The following CREBBP variants were observed in gnomAD, a reference collection of about 807,000 sequenced individuals.
CREBBP encodes CREB binding lysine acetyltransferase.
CREBBP carries 19 observed loss-of-function variants against 265.0 expected under a neutral mutation model. The observed-to-expected ratio is 0.07, with a 90% CI of 0.05 to 0.11. The LOEUF is 0.11. Ranked by LOEUF, CREBBP falls within the 10% of genes least tolerant of loss-of-function variation. The pLI, the probability that CREBBP is intolerant of heterozygous loss-of-function variation, is 1.00. For missense variants in CREBBP, 2,525 were observed against 3,219.0 expected, an observed-to-expected ratio of 0.78 and a Z score of 5.22; for synonymous variants, 1,457 against 1,223.7, an observed-to-expected ratio of 1.19 and a Z score of -3.98.
At position 3,727,696 on chromosome 16, in the gene CREBBP, A is replaced by G. The variant is rs2230140; in HGVS notation, c.*22T>C. ...CAAAAGGTCCAAGAACATGAAAGGG[A>G]AAAGGTGATGCTCTCACAATGCTAC... is the stretch of plus-strand genomic sequence containing the variant. On this transcript the variant is annotated 3_prime_UTR_variant, in exon 31 of 31. Coordinates refer to ENST00000262367, the MANE Select transcript of CREBBP (RefSeq NM_004380.3). 0.018 allele frequency: 29,309 copies of G among 1,613,564 alleles called. 4,061 individuals are homozygous for G. In the African/African-American group the frequency reaches 0.32, roughly 18 times the overall value.
rs760468682 is a variant in CREBBP at position 3,736,141 on chromosome 16, T to C, written c.4623A>G (p.Glu1541=). The C allele has an allele frequency of 5.6e-6, 9 of 1,614,224 alleles. No homozygotes were observed. The highest frequency in any genetic ancestry group is 3.3e-5 in the South Asian group (3 of 91,080). Residue 1541 remains glutamate, a synonymous_variant, in exon 28 of 31, where the codon GAA becomes GAG. Coordinates refer to ENST00000262367, the MANE Select transcript of CREBBP (RefSeq NM_004380.3). ...LTSAKELPYF[E]GDFWPNVLEE... ...CTAACACATTGGGCCAGAAATCACC[T>C]TCAAAATAGGGCAGTTCCTTGGCAC...
rs1397683151 is a variant in CREBBP, at chr16:3,769,184, G to T, written c.3050C>A (p.Pro1017His). ...GGGAGCGGCACCCACCTCAGACCTG[G>T]GCTCCCCTTTGGATTCACCAGGATC... ...EPDPGESKGE[P>H]RSEMMEEDLQ... The change falls in exon 15 of 31, where the codon CCC becomes CAC. Residue 1017 changes from proline to histidine, a missense_variant. Physicochemically the swap from Pro to His is moderately conservative, Grantham distance 77. Coordinates refer to ENST00000262367, the MANE Select transcript of CREBBP (RefSeq NM_004380.3). 6.2e-7 allele frequency: 1 copy of T among 1,614,030 alleles called. No homozygotes were observed. The highest frequency in any genetic ancestry group is 8.5e-7 in the Non-Finnish European group (1 of 1,180,010).
intron 16 of CREBBP, among the ~76,000 whole-genome samples, chr16:3,767,073 ACAATTTT>A (rs2052872360): frequency 6.6e-6 from 1 of 152,166 alleles, no homozygotes; most frequent in Non-Finnish European, 1.5e-5. Flanking sequence ...GGTTCACTTG[ACAATTTT>A]CTGATACCCT....
chr16:3,840,332 G>A (rs572345085), intron 2 of CREBBP, among the ~76,000 whole-genome samples: 33 of 152,242 alleles, frequency 2.2e-4, no homozygotes, highest in Non-Finnish European at 4.0e-4. Flanking sequence ...GACGGCAGTC[G>A]GCTTGAGTTC....
In CREBBP at chr16:3,781,254, G is replaced by A. The variant is rs2141247711; in HGVS notation, c.1626C>T (p.Pro542=). 1 of 1,613,992 alleles carries A rather than the reference G, an allele frequency of 6.2e-7. No individual in the cohort carries two copies. The highest frequency in any genetic ancestry group is 1.1e-5 in the South Asian group (1 of 91,076). Reference sequence around the variant, plus strand: ...GAGCTGATTCTGAAATCAAGTTTGGGGGCTGCTGATCTGTTGTTATTCCTC... The same window carrying A: ...GAGCTGATTCTGAAATCAAGTTTGGAGGCTGCTGATCTGTTGTTATTCCTC... ...PAGGITTDQQ[P]PNLISESALP... The change falls in exon 7 of 31, where the codon CCC becomes CCT. Residue 542 remains proline, a synonymous_variant. Coordinates refer to ENST00000262367, the MANE Select transcript of CREBBP (RefSeq NM_004380.3).
At chr16:3,852,512 C>T (rs1178010702) in intron 1 of CREBBP, among the ~76,000 whole-genome samples, 4 of 152,080 alleles carry the variant, frequency 2.6e-5, no homozygotes, top group Non-Finnish European at 5.9e-5. Flanking sequence ...AGTAAACTAG[C>T]TTTAACGCAA....
intron 1 of CREBBP, among the ~76,000 whole-genome samples, chr16:3,851,798 G>A (rs1241448141): frequency 6.8e-6 from 1 of 146,280 alleles, no homozygotes; most frequent in African/African-American, 2.6e-5. Context: ...AGCTTGCAGT[G>A]AGCCGAGATT....
intron 16 of CREBBP, among the ~76,000 whole-genome samples, chr16:3,760,368 G>A (rs532028020): frequency 4.7e-5 from 7 of 147,470 alleles, no homozygotes; most frequent in African/African-American, 1.0e-4. Context: ...CTGAGATTAC[G>A]GGCACTAAGC....
chr16:3,843,905 T>C (rs915351433), intron 2 of CREBBP, among the ~76,000 whole-genome samples: 9 of 151,636 alleles, frequency 5.9e-5, no homozygotes, highest in African/African-American at 1.5e-4. Context: ...TCCCAGCACT[T>C]TGGGAGGCCG....
chr16:3,799,954 G>T (rs892637280), intron 3 of CREBBP, among the ~76,000 whole-genome samples: 3 of 152,088 alleles, frequency 2.0e-5, no homozygotes, highest in African/African-American at 4.8e-5. Flanking sequence ...GGAAATTCCC[G>T]AGAAAACAAA....
At chr16:3,879,709 C>T in intron 1 of CREBBP, 123 bp downstream of exon 1, 1 of 1,047,024 alleles carries the variant, frequency 9.6e-7, no homozygotes, top group Non-Finnish European at 1.4e-6. Context: ...GGGGAACGGG[C>T]TGCGGGGCCT....
At chr16:3,813,675 C>G (rs971460060) in intron 2 of CREBBP, among the ~76,000 whole-genome samples, 9 of 152,188 alleles carry the variant, frequency 5.9e-5, no homozygotes, top group African/African-American at 1.9e-4. Flanking sequence ...CATTTTCCCT[C>G]GATCAATTCA....
chr16:3,816,501 A>G, intron 2 of CREBBP, among the ~76,000 whole-genome samples: 1 of 152,144 alleles, frequency 6.6e-6, no homozygotes, highest in Non-Finnish European at 1.5e-5. Context: ...GAACAATACA[A>G]AGAGGCACCT....
chr16:3,850,168 A>C (rs2054796872), intron 2 of CREBBP, 129 bp downstream of exon 2: 2 of 864,368 alleles, frequency 2.3e-6, no homozygotes, highest in Non-Finnish European at 3.9e-6. Flanking sequence ...GTCTCTTCCA[A>C]GCATGAGTGG....
rs34060381 is a variant in CREBBP at position 3,772,328 on chromosome 16, AACACACAC to A, written c.2464-1350_2464-1343del. 2.7e-3 allele frequency among the ~76,000 whole-genome samples: 397 copies of A among 145,332 alleles called. 1 individual carries two copies. Among genetic ancestry groups the A allele is most frequent in the East Asian group, 0.013 (63 of 4,938 alleles). On this transcript the variant is annotated intron_variant, in intron 13 of 30. Transcript: ENST00000262367. Reference sequence around the variant, plus strand: ...AAAAAAAAATTCTCTCTGAAACACAAACACACACACACACACACACACACACACACACA... The same window carrying A: ...AAAAAAAAATTCTCTCTGAAACACAAACACACACACACACACACACACACA...
chr16:3,815,140 G>A (rs2054013602), intron 2 of CREBBP, among the ~76,000 whole-genome samples: 1 of 152,150 alleles, frequency 6.6e-6, no homozygotes, highest in Non-Finnish European at 1.5e-5. Context: ...CCCACCCTAG[G>A]CTAACATATA....
rs1423752547 is a variant in CREBBP at position 3,727,989 on chromosome 16, C to G, written c.7058G>C (p.Arg2353Pro). Reference sequence around the variant, plus strand: ...GGAATGTGGAGGCTGGGACTGGGGCCGTGGAGACTGGACAGGGGCTGGAGA... The same window carrying G: ...GGAATGTGGAGGCTGGGACTGGGGCGGTGGAGACTGGACAGGGGCTGGAGA... Reference protein sequence around the residue: ...VRSPAPVQSPRPQSQPPHSSP... With the variant: ...VRSPAPVQSPPPQSQPPHSSP... The change falls in exon 31 of 31, where the codon CGG becomes CCG. Residue 2353 changes from arginine to proline, a missense_variant. Arg to Pro is a moderately radical substitution (Grantham distance 103). Around this residue, in one of 19 missense-constraint regions of CREBBP, gnomAD observed 473 missense variants for 459.3 expected, o/e 1.03. Transcript: ENST00000262367. The G allele has an allele frequency of 6.2e-7, 1 of 1,609,216 alleles. No homozygotes were observed. Among genetic ancestry groups the G allele is most frequent in the South Asian group, 1.1e-5 (1 of 90,636 alleles).
intron 19 of CREBBP, among the ~76,000 whole-genome samples, chr16:3,754,635 A>C (rs1414910434): frequency 6.6e-6 from 1 of 152,226 alleles, no homozygotes; most frequent in Non-Finnish European, 1.5e-5. Context: ...ATCAGTACAT[A>C]TCACTGGGAT....
intron 28 of CREBBP, among the ~76,000 whole-genome samples, chr16:3,733,986 A>G (rs1366294482): frequency 6.6e-6 from 1 of 152,190 alleles, no homozygotes; most frequent in Admixed American, 6.5e-5. Context: ...ATGTTCATGA[A>G]ATTAAGAAAA....
Sources: allele counts gnomAD v4.1 joint callset (sites outside exome capture counted in the v4.1 genomes callset), GRCh38; gene constraint gnomAD v4.1.1; regional missense constraint gnomAD v4.1.1; transcripts MANE v1.5; gene names NCBI Gene and HGNC (gene_info 2026-07-23, HGNC 2026-07-21).